The following ZFHX4 variants were observed in gnomAD, a reference collection of about 807,000 sequenced individuals.
ZFHX4 encodes zinc finger homeobox protein 4.
Under a neutral mutation model 267.6 loss-of-function variants are expected in ZFHX4, and 56 were observed. The observed-to-expected ratio is 0.21, with a 90% CI of 0.17 to 0.26. The LOEUF is 0.26. Among genes scored for constraint, ZFHX4 ranks in the 10% least tolerant of loss-of-function variants. ZFHX4 has a pLI of 1.00. For synonymous variants in ZFHX4, 1,778 were observed against 1,665.6 expected (o/e 1.07, Z -1.64); for missense variants, 4,332 against 4,420.0 (o/e 0.98, Z 0.56).
chr8:76,840,484 A>T (rs1019608578), intron 5 of ZFHX4, among the ~76,000 whole-genome samples: 5 of 152,150 alleles, frequency 3.3e-5, no homozygotes, highest in African/African-American at 1.2e-4. Context: ...CATACCAGAA[A>T]ATGAAGAAGA....
At chr8:76,819,538 G>A (rs186017144) in intron 4 of ZFHX4, among the ~76,000 whole-genome samples, 206 of 152,190 alleles carry the variant, frequency 1.4e-3, no homozygotes, top group Non-Finnish European at 2.0e-3. Context: ...TGGAGCATTC[G>A]TGGTGGGTGC....
At chr8:76,838,796 C>T (rs1249486233) in intron 5 of ZFHX4, among the ~76,000 whole-genome samples, 2 of 152,096 alleles carry the variant, frequency 1.3e-5, no homozygotes, top group Non-Finnish European at 2.9e-5. Flanking sequence ...TGGCTCATGC[C>T]TATAATCCCA....
At chr8:76,714,749 T>A (rs893629351) in intron 3 of ZFHX4, among the ~76,000 whole-genome samples, 16 of 152,216 alleles carry the variant, frequency 1.1e-4, no homozygotes, top group South Asian at 2.1e-4. Flanking sequence ...GTCCCATTGA[T>A]GTGATGGAAT....
At chr8:76,735,102 T>G (rs948079017) in intron 3 of ZFHX4, among the ~76,000 whole-genome samples, 5 of 152,156 alleles carry the variant, frequency 3.3e-5, no homozygotes, top group African/African-American at 1.2e-4. Flanking sequence ...AGTAAATGTA[T>G]ATCTGACGAA....
At chr8:76,728,359 T>C (rs16939343) in intron 3 of ZFHX4, among the ~76,000 whole-genome samples, 51,857 of 152,048 alleles carry the variant, frequency 0.34, 13,146 homozygotes, top group African/African-American at 0.71. Context: ...TATGAAAATC[T>C]CCAAACCTCA....
chr8:76,765,149 C>A (rs1810019825), intron 3 of ZFHX4, among the ~76,000 whole-genome samples: 1 of 152,096 alleles, frequency 6.6e-6, no homozygotes, highest in Admixed American at 6.6e-5. Flanking sequence ...ACCTAAAATA[C>A]AAGTTAATAG....
At position 76,764,582 on chromosome 8, in the gene ZFHX4, A is replaced by G. The variant is rs138423186; in HGVS notation, c.3094-13626A>G. 6.6e-3 allele frequency among the ~76,000 whole-genome samples: 1,011 copies of G among 152,306 alleles called. 19 individuals carry two copies. The highest frequency in any genetic ancestry group is 0.023 in the African/African-American group (950 of 41,570). On this transcript the variant is annotated intron_variant, in intron 3 of 10. Transcript: ENST00000651372. ...CATTGATCTAATTAGAATCTTGAGT[A>G]TAAAAGAGATGTTATTTTCAGATTT... is the stretch of plus-strand genomic sequence containing the variant.
chr8:76,838,309 A>G (rs905799730), intron 5 of ZFHX4, among the ~76,000 whole-genome samples: 9 of 152,192 alleles, frequency 5.9e-5, no homozygotes, highest in African/African-American at 9.6e-5. Flanking sequence ...TAACAGGTCT[A>G]TTGGGTGAAT....
chr8:76,685,693 A>C (rs1807675277), intron 1 of ZFHX4, among the ~76,000 whole-genome samples: 1 of 152,242 alleles, frequency 6.6e-6, no homozygotes, highest in Non-Finnish European at 1.5e-5. Context: ...TTTCTTAAAG[A>C]GTATGCATGA....
chr8:76,749,178 G>A (rs190010579), intron 3 of ZFHX4, among the ~76,000 whole-genome samples: 1 of 152,108 alleles, frequency 6.6e-6, no homozygotes, highest in Admixed American at 6.5e-5. Context: ...TGACTATTCA[G>A]TTGAGTCCTT....
chr8:76,749,009 T>G (rs1394375278), intron 3 of ZFHX4, among the ~76,000 whole-genome samples: 1 of 152,218 alleles, frequency 6.6e-6, no homozygotes, highest in African/African-American at 2.4e-5. Flanking sequence ...AATTGCTATC[T>G]TCTGTTACAA....
intron 3 of ZFHX4, among the ~76,000 whole-genome samples, chr8:76,716,663 T>G (rs1187128411): frequency 6.6e-6 from 1 of 152,136 alleles, no homozygotes; most frequent in East Asian, 1.9e-4. Context: ...TTAAAGGTAT[T>G]GCAGATGTAG....
chr8:76,794,085 C>G (rs1810909511), intron 4 of ZFHX4, among the ~76,000 whole-genome samples: 1 of 152,090 alleles, frequency 6.6e-6, no homozygotes, highest in African/African-American at 2.4e-5. Context: ...GGTGATGTTT[C>G]TGTTACTTCT....
intron 3 of ZFHX4, among the ~76,000 whole-genome samples, chr8:76,775,397 C>A (rs1274659829): frequency 6.6e-6 from 1 of 152,160 alleles, no homozygotes; most frequent in African/African-American, 2.4e-5. Flanking sequence ...CAGTGGAGTT[C>A]TCTTTACAGA....
intron 4 of ZFHX4, among the ~76,000 whole-genome samples, chr8:76,806,084 C>G (rs1811237421): frequency 6.6e-6 from 1 of 152,042 alleles, no homozygotes; most frequent in Non-Finnish European, 1.5e-5. Context: ...ATAGGAATCA[C>G]TGGGTTTGCC....
At chr8:76,830,657 C>A (rs540630089) in intron 4 of ZFHX4, among the ~76,000 whole-genome samples, 1 of 152,190 alleles carries the variant, frequency 6.6e-6, no homozygotes, top group Non-Finnish European at 1.5e-5. Flanking sequence ...ATTATTTGTA[C>A]AAGTAGCTCT....
At chr8:76,690,300 T>G (rs1170464742) in intron 1 of ZFHX4, among the ~76,000 whole-genome samples, 3 of 152,074 alleles carry the variant, frequency 2.0e-5, no homozygotes, top group South Asian at 2.1e-4. Context: ...TTTCCTTCAC[T>G]GTAAAGAAGA....
chr8:76,852,288 T>A lies in ZFHX4; in HGVS notation c.5367T>A (p.Gly1789=). 6.4e-7 allele frequency: 1 copy of A among 1,568,582 alleles called. No individual in the cohort carries two copies. Among genetic ancestry groups the A allele is most frequent in the African/African-American group, 1.4e-5 (1 of 73,830 alleles). The change falls in exon 10 of 11, where the codon GGT becomes GGA. Residue 1789 remains glycine (G), a synonymous_variant. Transcript: ENST00000651372. ...AGATTCAAACCCAACATCACGTTGG[T>A]CAAACTCAACTCCAGATACTACAGC... ...KQQIQTQHHV[G]QTQLQILQQQ... is the part of the protein sequence containing the mutation.
chr8:76,793,047 C>T (rs1347041912), intron 4 of ZFHX4, among the ~76,000 whole-genome samples: 1 of 152,116 alleles, frequency 6.6e-6, no homozygotes, highest in Non-Finnish European at 1.5e-5. Flanking sequence ...CATTTTTCTA[C>T]TAAGGAAGTT....
Sources: gnomAD v4.1 joint callset for allele counts (sites outside exome capture counted in the v4.1 genomes callset) on GRCh38, gnomAD v4.1.1 for gene constraint, MANE v1.5 for transcripts, NCBI Gene and HGNC (gene_info 2026-07-23, HGNC 2026-07-21) for gene names.